The following AKAP6 variants were observed in gnomAD, a reference collection of about 807,000 sequenced individuals.
The protein encoded by AKAP6 is A-kinase anchoring protein 6.
In AKAP6, 58 loss-of-function variants were observed where a neutral mutation model predicts 188.5. The ratio of observed to expected loss-of-function variants is 0.31; its 90% CI spans 0.25 to 0.38. The LOEUF is 0.38. Ranked by LOEUF, AKAP6 falls within the 10% of genes least tolerant of loss-of-function variation. The pLI is 1.00. For missense variants in AKAP6, 2,710 were observed against 2,740.0 expected, an observed-to-expected ratio of 0.99 and a Z score of 0.24; for synonymous variants, 989 against 998.6, an observed-to-expected ratio of 0.99 and a Z score of 0.18.
At position 32,679,857 on chromosome 14, in the gene AKAP6, A is replaced by G. The variant is rs146487320; in HGVS notation, c.2879+1398A>G. Among the ~76,000 whole-genome samples the G allele has an allele frequency of 3.2e-3, 486 of 152,148 alleles. 2 individuals are homozygous for G. Among genetic ancestry groups the G allele is most frequent in the African/African-American group, 0.011 (473 of 41,548 alleles). ...TAGTCATTTATTCACCAGAGGAAAA[A>G]CATAGCAGCAAATAAGAAAGAAAAG... On this transcript the variant is annotated intron_variant, in intron 8 of 13. Coordinates refer to ENST00000280979, the MANE Select transcript of AKAP6 (RefSeq NM_004274.5).
intron 5 of AKAP6, among the ~76,000 whole-genome samples, chr14:32,587,412 T>G (rs544892334): frequency 3.2e-4 from 49 of 152,276 alleles, no homozygotes; most frequent in African/African-American, 1.2e-3. Context: ...GTAACGGGTT[T>G]CTACTAGGGG....
chr14:32,532,005 G>A (rs1232376057), intron 2 of AKAP6, among the ~76,000 whole-genome samples: 4 of 152,186 alleles, frequency 2.6e-5, no homozygotes, highest in Non-Finnish European at 5.9e-5. Flanking sequence ...ACACCCAGGA[G>A]TGGGATTGCT....
intron 1 of AKAP6, among the ~76,000 whole-genome samples, chr14:32,420,626 T>G (rs1168717744): frequency 6.6e-6 from 1 of 152,166 alleles, no homozygotes; most frequent in Non-Finnish European, 1.5e-5. Flanking sequence ...TCTCTACTAG[T>G]TGGGTAAATC....
At chr14:32,782,296 C>A (rs1432428227) in intron 12 of AKAP6, among the ~76,000 whole-genome samples, 1 of 150,336 alleles carries the variant, frequency 6.7e-6, no homozygotes, top group African/African-American at 2.4e-5. Context: ...AAACAGTTAA[C>A]ATCATACTCA....
In AKAP6 at chr14:32,546,515, T is replaced by G. The variant is rs769795116; in HGVS notation, c.1862T>G (p.Val621Gly). The G allele has an allele frequency of 9.3e-6, 15 of 1,614,060 alleles. No homozygotes were observed. Among genetic ancestry groups the G allele is most frequent in the African/African-American group, 1.3e-5 (1 of 74,918 alleles). ...PSHVTRNGEV[V>G]EAWYGSDEYL... ...CACGTCACTAGGAATGGTGAGGTTG[T>G]GGAGGCCTGGTATGGCTCTGATGAA... The change falls in exon 4 of 14, where the codon GTG (valine) becomes GGG (glycine). Residue 621 changes from valine to glycine, a missense_variant. By Grantham distance (109) the Val-to-Gly change is moderately radical (BLOSUM62 -3). Around this residue, in one of 2 missense-constraint regions of AKAP6, gnomAD observed 2,473 missense variants for 2,426.1 expected, o/e 1.02. Coordinates refer to ENST00000280979, the MANE Select transcript of AKAP6 (RefSeq NM_004274.5).
chr14:32,427,333 G>T, intron 1 of AKAP6, among the ~76,000 whole-genome samples: 1 of 152,206 alleles, frequency 6.6e-6, no homozygotes, highest in East Asian at 1.9e-4. Flanking sequence ...GAAGGCATCA[G>T]GCAGCAATTA....
intron 12 of AKAP6, among the ~76,000 whole-genome samples, chr14:32,798,195 T>C (rs2033834556): frequency 6.6e-6 from 1 of 152,172 alleles, no homozygotes; most frequent in South Asian, 2.1e-4. Flanking sequence ...CACAATGAGA[T>C]GCCATCTTAC....
chr14:32,455,670 A>G (rs1891124745), intron 2 of AKAP6, among the ~76,000 whole-genome samples: 2 of 152,204 alleles, frequency 1.3e-5, no homozygotes. Flanking sequence ...TTGAAGCAAA[A>G]TTGGTTCACT....
chr14:32,454,697 C>T (rs560847378), intron 2 of AKAP6, among the ~76,000 whole-genome samples: 58 of 45,218 alleles, frequency 1.3e-3, no homozygotes, highest in African/African-American at 4.8e-3. Context: ...CCCTCCCTCC[C>T]TCCCTCCCTC....
At chr14:32,512,017 TC>T (rs1027335118) in intron 2 of AKAP6, among the ~76,000 whole-genome samples, 1 of 152,214 alleles carries the variant, frequency 6.6e-6, no homozygotes, top group African/African-American at 2.4e-5. Flanking sequence ...TCATTTTGTT[TC>T]TTTAATTTTA....
chr14:32,821,416 G>T lies in AKAP6; in HGVS notation c.3603G>T (p.Val1201=). 6.2e-7 allele frequency: 1 copy of T among 1,607,164 alleles called. No homozygotes were observed. The highest frequency in any genetic ancestry group is 1.1e-5 in the South Asian group (1 of 89,958). The change falls in exon 13 of 14, where the codon GTG becomes GTT. Residue 1201 remains valine (V), a synonymous_variant. Coordinates refer to ENST00000280979, the MANE Select transcript of AKAP6 (RefSeq NM_004274.5). The part of the protein sequence containing the change: ...KMGKESETLN[V]IDPGLMDLNG... Reference sequence around the variant, plus strand: ...CTCTCACACAGGAGACTTTGAATGTGATTGATCCTGGCTTGATGGACCTAA... The same window carrying T: ...CTCTCACACAGGAGACTTTGAATGTTATTGATCCTGGCTTGATGGACCTAA...
chr14:32,597,057 T>C (rs1359074956), intron 5 of AKAP6, among the ~76,000 whole-genome samples: 1 of 152,200 alleles, frequency 6.6e-6, no homozygotes, highest in East Asian at 1.9e-4. Context: ...ATCGAGCTTA[T>C]CAGATTATCT....
intron 7 of AKAP6, among the ~76,000 whole-genome samples, chr14:32,660,852 C>T (rs535458912): frequency 3.6e-3 from 543 of 151,076 alleles, no homozygotes; most frequent in African/African-American, 0.012. Flanking sequence ...TATCTTATGG[C>T]TTTTCTGGGA....
intron 7 of AKAP6, among the ~76,000 whole-genome samples, chr14:32,616,340 A>G (rs542356700): frequency 1.3e-5 from 2 of 152,324 alleles, no homozygotes; most frequent in South Asian, 2.1e-4. Context: ...TGGCAAAGAC[A>G]TGGAATCAGT....
chr14:32,401,803 G>A (rs1261347905), intron 1 of AKAP6, among the ~76,000 whole-genome samples: 2 of 152,174 alleles, frequency 1.3e-5, no homozygotes, highest in Non-Finnish European at 2.9e-5. Context: ...GTGCTACTGT[G>A]TTGTATTTTT....
rs537977168 is a variant in AKAP6, at chr14:32,701,822, A to G, written c.3000+5712A>G. 1.4e-4 allele frequency among the ~76,000 whole-genome samples: 21 copies of G among 152,244 alleles called. No homozygotes were observed. The South Asian group carries it at 4.4e-3, about 32-fold the overall frequency. Reference sequence around the variant, plus strand: ...TGTGATTTGATATTCTTATGACTAAACTTGAGCCCCTAAAAGTGTAATGTT... The same window carrying G: ...TGTGATTTGATATTCTTATGACTAAGCTTGAGCCCCTAAAAGTGTAATGTT... On this transcript the variant is annotated intron_variant, in intron 9 of 13. Transcript: ENST00000280979.
chr14:32,376,758 G>T (rs1264974960), intron 1 of AKAP6, among the ~76,000 whole-genome samples: 1 of 152,112 alleles, frequency 6.6e-6, no homozygotes, highest in East Asian at 1.9e-4. Context: ...GTGCAGTGGC[G>T]CCATCTCGGC....
intron 12 of AKAP6, among the ~76,000 whole-genome samples, chr14:32,802,043 T>C (rs991726415): frequency 2.6e-5 from 4 of 152,240 alleles, no homozygotes. Flanking sequence ...TTTGAAATAC[T>C]CTCAACCATT....
intron 1 of AKAP6, among the ~76,000 whole-genome samples, chr14:32,349,985 AAT>A (rs1887207465): frequency 6.6e-6 from 1 of 152,216 alleles, no homozygotes; most frequent in Non-Finnish European, 1.5e-5. Flanking sequence ...ATATAAAATA[AAT>A]ATACATGAGT....
Sources: allele counts gnomAD v4.1 joint callset (sites outside exome capture counted in the v4.1 genomes callset), GRCh38; gene constraint gnomAD v4.1.1; regional missense constraint gnomAD v4.1.1; transcripts MANE v1.5; gene names NCBI Gene and HGNC (gene_info 2026-07-23, HGNC 2026-07-21).